The following DPY19L4 variants were observed in gnomAD, a reference collection of about 807,000 sequenced individuals.
The protein encoded by DPY19L4 is probable C-mannosyltransferase DPY19L4.
A neutral mutation model predicts 102.8 loss-of-function variants in DPY19L4; 97 were observed. The observed-to-expected ratio is 0.94, with a 90% CI of 0.80 to 1.12. DPY19L4 has a LOEUF of 1.12. DPY19L4 is among the 50% of genes most tolerant of loss of function. The pLI, the probability that DPY19L4 is intolerant of heterozygous loss-of-function variation, is 0.00. For missense variants in DPY19L4, 815 were observed against 850.4 expected (o/e 0.96, Z 0.52); for synonymous variants, 252 against 283.1 (o/e 0.89, Z 1.10).
At position 94,780,424 on chromosome 8, in the gene DPY19L4, A is replaced by T. The variant is rs892412346; in HGVS notation, c.1632+9A>T. ...TCAGCTTATGGAAAGAGGTAAAAAAATTAGATTTTTATATTAATAAAATGT... is the reference window on the plus strand; with the variant it reads ...TCAGCTTATGGAAAGAGGTAAAAAATTTAGATTTTTATATTAATAAAATGT... On this transcript the variant is annotated intron_variant, in intron 15 of 18. Coordinates refer to ENST00000414645, the MANE Select transcript of DPY19L4 (RefSeq NM_181787.3). 2.1e-6 allele frequency: 3 copies of T among 1,441,988 alleles called. No homozygotes were observed. The highest frequency in any genetic ancestry group is 2.8e-6 in the Non-Finnish European group (3 of 1,079,014). The allele number at this position is 1,441,988 out of a possible 1,614,324, so 89.3% of individuals were successfully genotyped here. A position where few individuals can be genotyped will look rare whatever the true frequency, so the allele number is the denominator to read the frequency against.
intron 13 of DPY19L4, among the ~76,000 whole-genome samples, chr8:94,771,398 T>A (rs1176707226): frequency 6.6e-6 from 1 of 152,242 alleles, no homozygotes; most frequent in East Asian, 1.9e-4. Flanking sequence ...ATATTCCAAG[T>A]TCTAGGCATT....
chr8:94,728,086 C>A lies in DPY19L4; in HGVS notation c.127+1645C>A, dbSNP rs531129912. ...AAGCAATTCTTGTGCCTCAGCCTCC[C>A]GAGTAGCTGGGATTATAGGCATGTG... On this transcript the variant is annotated intron_variant, in intron 2 of 18. Transcript: ENST00000414645. 2.0e-5 allele frequency among the ~76,000 whole-genome samples: 3 copies of A among 152,226 alleles called. No homozygotes were observed. The South Asian group carries it at 6.2e-4, about 32-fold the overall frequency.
intron 2 of DPY19L4, among the ~76,000 whole-genome samples, chr8:94,733,118 C>CT (rs34879619): frequency 0.12 from 9,007 of 76,592 alleles, 1,024 homozygotes; most frequent in African/African-American, 0.22. Context: ...TCATCTTAAC[C>CT]TTTTTTTTTT....
intron 10 of DPY19L4, 94 bp downstream of exon 10, chr8:94,765,903 T>C (rs774352577): frequency 8.7e-6 from 7 of 806,338 alleles, no homozygotes; most frequent in African/African-American, 7.0e-5. Flanking sequence ...TAGCACGTAA[T>C]AGAGTTTGAA....
In DPY19L4 at chr8:94,720,029, G is replaced by A. The variant is rs1266833613; in HGVS notation, c.16+15G>A. The A allele has an allele frequency of 1.3e-6, 2 of 1,528,664 alleles. No homozygotes were observed. Among genetic ancestry groups the A allele is most frequent in the Non-Finnish European group, 1.8e-6 (2 of 1,138,906 alleles). The allele number at this position is 1,528,664 out of a possible 1,614,324, so 94.7% of individuals were successfully genotyped here. A position where few individuals can be genotyped will look rare whatever the true frequency, so the allele number is the denominator to read the frequency against. The stretch of plus-strand genomic sequence containing the variant: ...GGAGGAAGAAGGTGATTGCCGCGGG[G>A]TCCAGCGCGCCAACGGCTGCCAGTG... On this transcript the variant is annotated intron_variant, in intron 1 of 18. Coordinates refer to ENST00000414645, the MANE Select transcript of DPY19L4 (RefSeq NM_181787.3).
At chr8:94,756,248 A>G (rs1243101295) in intron 7 of DPY19L4, 89 bp downstream of exon 7, 1 of 1,521,490 alleles carries the variant, frequency 6.6e-7, no homozygotes, top group African/African-American at 1.4e-5. Context: ...TAGTCCTAGT[A>G]AGAATTAAAT....
chr8:94,764,685 G>GTGTGTC (rs1554594290), intron 8 of DPY19L4, among the ~76,000 whole-genome samples: 12 of 80,712 alleles, frequency 1.5e-4, no homozygotes, highest in African/African-American at 8.3e-4. Flanking sequence ...GTGTGTCTGT[G>GTGTGTC]TGTGTATATA....
chr8:94,752,916 C>T (rs996556000), intron 6 of DPY19L4, among the ~76,000 whole-genome samples: 1 of 151,668 alleles, frequency 6.6e-6, no homozygotes, highest in East Asian at 1.9e-4. Context: ...CCGCCCACCT[C>T]GGCCTCCCAA....
At chr8:94,775,998 TTTTAA>T (rs1004644450) in intron 13 of DPY19L4, among the ~76,000 whole-genome samples, 1 of 151,680 alleles carries the variant, frequency 6.6e-6, no homozygotes, top group African/African-American at 2.4e-5. Context: ...TTTTTAATCT[TTTTAA>T]TTTAAGAGTT....
chr8:94,770,902 GA>G (rs1260659082), intron 13 of DPY19L4, among the ~76,000 whole-genome samples: 1 of 148,962 alleles, frequency 6.7e-6, no homozygotes, highest in Non-Finnish European at 1.5e-5. Context: ...AAAAAAGTCA[GA>G]AAACCCACAA....
rs752503177 is a variant in DPY19L4, at chr8:94,789,936, G to C, written c.*26G>C. ...AAAATAACAGAGCCTTCATTTCAAA[G>C]ACTACCTGAAGTAAAATGCAGTTTT... On this transcript the variant is annotated 3_prime_UTR_variant, in exon 19 of 19. Transcript: ENST00000414645. 6 of 1,577,714 alleles carry C rather than the reference G, an allele frequency of 3.8e-6. No homozygotes were observed. The East Asian group carries it at 1.4e-4, about 37-fold the overall frequency.
intron 10 of DPY19L4, among the ~76,000 whole-genome samples, 176 bp from the exon 11 acceptor site, chr8:94,766,436 G>A (rs1008304688): frequency 2.0e-5 from 3 of 152,230 alleles, no homozygotes; most frequent in Admixed American, 1.3e-4. Flanking sequence ...TCAGCATAAG[G>A]TCATGGGATT....
At chr8:94,778,825 T>G (rs1586417174) in intron 14 of DPY19L4, among the ~76,000 whole-genome samples, 1 of 152,016 alleles carries the variant, frequency 6.6e-6, no homozygotes, top group East Asian at 1.9e-4. Context: ...TCAAAGGGAC[T>G]GGGAAAAAAG....
intron 17 of DPY19L4, among the ~76,000 whole-genome samples, chr8:94,786,714 A>G (rs1420989695): frequency 6.6e-6 from 1 of 151,810 alleles, no homozygotes; most frequent in African/African-American, 2.4e-5. Flanking sequence ...CACCCAGCTA[A>G]TTTTTGTATT....
intron 4 of DPY19L4, 57 bp downstream of exon 4, chr8:94,738,516 CTTTTTTTTTT>C (rs368142148): frequency 5.1e-6 from 4 of 779,888 alleles, no homozygotes; most frequent in Non-Finnish European, 7.0e-6. Context: ...CTTTTCTTTT[CTTTTTTTTTT>C]TTTTCCGAGA....
At chr8:94,721,999 C>T (rs1169459028) in intron 1 of DPY19L4, among the ~76,000 whole-genome samples, 2 of 152,038 alleles carry the variant, frequency 1.3e-5, no homozygotes, top group Non-Finnish European at 2.9e-5. Context: ...GTCCCAGCTA[C>T]TCAGGAGGCT....
chr8:94,787,939 A>G lies in DPY19L4; in HGVS notation c.1894A>G (p.Ile632Val). 2 of 1,488,458 alleles carry G rather than the reference A, an allele frequency of 1.3e-6. No individual in the cohort carries two copies. Among genetic ancestry groups the G allele is most frequent in the Non-Finnish European group, 1.8e-6 (2 of 1,116,830 alleles). The allele number at this position is 1,488,458 out of a possible 1,614,324, so 92.2% of individuals were successfully genotyped here. The change falls in exon 18 of 19, where the codon ATA (isoleucine) becomes GTA (valine). Residue 632 changes from isoleucine to valine, a missense_variant. Transcript: ENST00000414645. The stretch of plus-strand genomic sequence containing the variant: ...GCGATCTGCTGAGGATATTTATAAA[A>G]TACTGACATCTTACAAAGCTAATTA... ...SKRSAEDIYKILTSYKANYLI... is the reference protein window; with the variant it reads ...SKRSAEDIYKVLTSYKANYLI...
chr8:94,732,115 A>G (rs983204353), intron 2 of DPY19L4, among the ~76,000 whole-genome samples: 7 of 151,878 alleles, frequency 4.6e-5, no homozygotes, highest in Non-Finnish European at 1.0e-4. Context: ...ATTTATTGAT[A>G]TTTAATTAGT....
At chr8:94,742,387 A>AT (rs554307933) in intron 6 of DPY19L4, among the ~76,000 whole-genome samples, 1,796 of 148,606 alleles carry the variant, frequency 0.012, 14 homozygotes, top group Non-Finnish European at 0.017. Flanking sequence ...TATTTTACTT[A>AT]TTTTTTTTTT....
Sources: allele counts gnomAD v4.1 joint callset (sites outside exome capture counted in the v4.1 genomes callset), GRCh38; gene constraint gnomAD v4.1.1; transcripts MANE v1.5; gene names NCBI Gene and HGNC (gene_info 2026-07-23, HGNC 2026-07-21).